PCDHGA2: variants seen among roughly 807,000 people sequenced by gnomAD.
PCDHGA2 encodes protocadherin gamma-A2.
PCDHGA2 carries 40 observed loss-of-function variants against 59.2 expected under a neutral mutation model. That is an observed-to-expected ratio of 0.68 (90% CI 0.52 to 0.88). The LOEUF (loss-of-function observed/expected upper bound fraction) is 0.88. Among genes scored for constraint, PCDHGA2 ranks in the 40% least tolerant of loss-of-function variants. PCDHGA2 has a pLI of 0.00. For missense variants in PCDHGA2, 1,226 were observed against 1,204.0 expected (o/e 1.02, Z -0.27); for synonymous variants, 560 against 526.0 (o/e 1.06, Z -0.89).
rs540507159 is a variant in PCDHGA2 at position 141,422,671 on chromosome 5, A to G, written c.2425-72136A>G. On this transcript the variant is annotated intron_variant, in intron 1 of 3. Coordinates refer to ENST00000394576, the MANE Select transcript of PCDHGA2 (RefSeq NM_018915.4). The stretch of plus-strand genomic sequence containing the variant: ...CTCAGTGACCGCCCTCGACCCGGAC[A>G]GCAAACAGAATGCCCTGGTCACTTA... 4 of 1,607,248 alleles carry G rather than the reference A, an allele frequency of 2.5e-6. No homozygotes were observed. The Admixed American group carries it at 5.0e-5, about 20-fold the overall frequency.
intron 1 of PCDHGA2, chr5:141,357,256 G>A: frequency 6.2e-7 from 1 of 1,613,738 alleles, no homozygotes; most frequent in Non-Finnish European, 8.5e-7. Flanking sequence ...AGACCCAGAC[G>A]ACTCGGGCCT....
In PCDHGA2 at chr5:141,414,961, G is replaced by A. The variant is rs1357376957; in HGVS notation, c.2424+73566G>A. Reference sequence around the variant, plus strand: ...GCCCGGCTACCTGGTGACCAAGGTGGTGGCGGTGGACAGAGACTCCGGCCA... The same window carrying A: ...GCCCGGCTACCTGGTGACCAAGGTGATGGCGGTGGACAGAGACTCCGGCCA... On this transcript the variant is annotated intron_variant, in intron 1 of 3. Transcript: ENST00000394576. 2.5e-6 allele frequency: 4 copies of A among 1,614,028 alleles called. No individual in the cohort carries two copies. In the Admixed American group the frequency reaches 6.7e-5, roughly 27 times the overall value.
chr5:141,465,454 T>G (rs1031876441), intron 1 of PCDHGA2, among the ~76,000 whole-genome samples: 1 of 152,184 alleles, frequency 6.6e-6, no homozygotes, highest in African/African-American at 2.4e-5. Context: ...AAGAAAACTC[T>G]CACCAAATTG....
At chr5:141,433,767 G>A (rs1237334342) in intron 1 of PCDHGA2, among the ~76,000 whole-genome samples, 1 of 151,532 alleles carries the variant, frequency 6.6e-6, no homozygotes, top group East Asian at 1.9e-4. Flanking sequence ...AACCTGGGAG[G>A]TGGAGGTTGC....
At chr5:141,438,633 TATAC>T (rs1373299550) in intron 1 of PCDHGA2, among the ~76,000 whole-genome samples, 3,683 of 33,472 alleles carry the variant, frequency 0.11, 56 homozygotes, top group Non-Finnish European at 0.14. Flanking sequence ...TATATATATA[TATAC>T]ACACACACAC....
rs1252361961 is a variant in PCDHGA2 at position 141,486,106 on chromosome 5, G to A, written c.2425-8701G>A. The A allele has an allele frequency of 2.5e-6, 4 of 1,614,190 alleles. No individual in the cohort carries two copies. The highest frequency in any genetic ancestry group is 1.1e-5 in the South Asian group (1 of 91,086). Reference sequence around the variant, plus strand: ...CTCTTTTGGGGCCCCTAGACTTTGAGAGTGAGAATTACTATGAATTTGATG... The same window carrying A: ...CTCTTTTGGGGCCCCTAGACTTTGAAAGTGAGAATTACTATGAATTTGATG... On this transcript the variant is annotated intron_variant, in intron 1 of 3. Transcript: ENST00000394576. The surrounding 1 kb of genome is among the most constrained non-coding windows in gnomAD (Gnocchi z 5.0).
intron 1 of PCDHGA2, chr5:141,400,128 G>A: frequency 6.2e-7 from 1 of 1,614,080 alleles, no homozygotes; most frequent in South Asian, 1.1e-5. Flanking sequence ...TGCAGGAGGT[G>A]CTGCCGGATA....
At chr5:141,435,052 T>C (rs922871138) in intron 1 of PCDHGA2, among the ~76,000 whole-genome samples, 1 of 152,174 alleles carries the variant, frequency 6.6e-6, no homozygotes, top group African/African-American at 2.4e-5. Context: ...CCATTGACCA[T>C]GCAGCAGTTT....
intron 1 of PCDHGA2, chr5:141,403,515 G>A: frequency 6.2e-7 from 1 of 1,614,024 alleles, no homozygotes; most frequent in Non-Finnish European, 8.5e-7. Context: ...GGAGACAATG[G>A]AGCCATAAAC....
Position 141,511,072 on chromosome 5 carries a change from A to C in PCDHGA2, c.2698A>C (p.Ser900Arg). The C allele has an allele frequency of 6.2e-7, 1 of 1,614,252 alleles. No individual in the cohort carries two copies. Among genetic ancestry groups the C allele is most frequent in the Non-Finnish European group, 8.5e-7 (1 of 1,180,034 alleles). Residue 900 changes from serine to arginine, a missense_variant, in exon 4 of 4, where the codon AGC (serine) becomes CGC (arginine). Ser to Arg is a moderately radical substitution (Grantham distance 110). Coordinates refer to ENST00000394576, the MANE Select transcript of PCDHGA2 (RefSeq NM_018915.4). ...CCGCCAGAATGTCTACATCCCAGGC[A>C]GCAATGCCACACTGACCAACGCAGC... ...DYRQNVYIPG[S>R]NATLTNAAGK...
chr5:141,497,197 A>G (rs1243476120), intron 2 of PCDHGA2, among the ~76,000 whole-genome samples: 2 of 106,804 alleles, frequency 1.9e-5, no homozygotes, highest in African/African-American at 5.7e-5. Flanking sequence ...GCAGAGAACA[A>G]TGTGAGTGTA....
intron 1 of PCDHGA2, among the ~76,000 whole-genome samples, chr5:141,373,744 G>A (rs10061034): frequency 6.6e-6 from 1 of 152,096 alleles, no homozygotes; most frequent in Admixed American, 6.5e-5. Context: ...TCATTATCTT[G>A]GGGAGGGAAA....
chr5:141,475,343 G>A (rs1425482944), intron 1 of PCDHGA2, among the ~76,000 whole-genome samples: 1 of 152,178 alleles, frequency 6.6e-6, no homozygotes, highest in Non-Finnish European at 1.5e-5. Flanking sequence ...ATGACATCCA[G>A]TTTTAAAAGA....
intron 1 of PCDHGA2, chr5:141,357,432 C>A (rs1217622560): frequency 3.7e-6 from 6 of 1,614,212 alleles, no homozygotes; most frequent in Non-Finnish European, 5.1e-6. Flanking sequence ...TGGGCGTGGA[C>A]GGGGTTCGGG....
At chr5:141,398,254 A>C (rs868152545) in intron 1 of PCDHGA2, 1 of 1,465,852 alleles carries the variant, frequency 6.8e-7, no homozygotes, top group East Asian at 2.5e-5. Context: ...GGAAATGCCC[A>C]AGGGCTCCGT....
At chr5:141,473,402 T>C (rs1019157713) in intron 1 of PCDHGA2, among the ~76,000 whole-genome samples, 7 of 152,224 alleles carry the variant, frequency 4.6e-5, no homozygotes, top group Non-Finnish European at 7.3e-5. Flanking sequence ...CTTCTTTTTT[T>C]CTTCTTCAGT....
At chr5:141,465,488 G>A (rs2099104080) in intron 1 of PCDHGA2, among the ~76,000 whole-genome samples, 1 of 152,224 alleles carries the variant, frequency 6.6e-6, no homozygotes. Flanking sequence ...AGAGGAATGA[G>A]CGGGAGCATT....
At position 141,340,358 on chromosome 5, in the gene PCDHGA2, G is replaced by A. The variant is rs1372268024; in HGVS notation, c.1387G>A (p.Glu463Lys). 5 of 1,614,024 alleles carry A rather than the reference G, an allele frequency of 3.1e-6. No homozygotes were observed. The highest frequency in any genetic ancestry group is 4.2e-6 in the Non-Finnish European group (5 of 1,180,026). Residue 463 changes from glutamate to lysine, a missense_variant, in exon 1 of 4, where the codon GAA becomes AAA. By Grantham distance (56) the Glu-to-Lys change is moderately conservative. Transcript: ENST00000394576. The stretch of plus-strand genomic sequence containing the variant: ...CACATCCTACTCCACCTACATTCCC[G>A]AAAACAACCCCAGAGGAGCCTCTGT... ...SRTSYSTYIPENNPRGASVFS... is the reference protein window; with the variant it reads ...SRTSYSTYIPKNNPRGASVFS...
At chr5:141,408,917 C>T (rs549266523) in intron 1 of PCDHGA2, 2 of 1,613,248 alleles carry the variant, frequency 1.2e-6, no homozygotes, top group Non-Finnish European at 8.5e-7. Context: ...CAATGATAAC[C>T]CCCCGGTTTT....
Sources: gnomAD v4.1 joint callset for allele counts (sites outside exome capture counted in the v4.1 genomes callset) on GRCh38, gnomAD v4.1.1 for gene constraint, Gnocchi (gnomAD v3.1) non-coding constraint, MANE v1.5 for transcripts, NCBI Gene and HGNC (gene_info 2026-07-23, HGNC 2026-07-21) for gene names.